The following RBM8A variants were observed in gnomAD, a reference collection of about 807,000 sequenced individuals.
RBM8A encodes RNA-binding protein 8A.
Under a neutral mutation model 25.1 loss-of-function variants are expected in RBM8A, and 8 were observed. The ratio of observed to expected loss-of-function variants is 0.32; its 90% CI spans 0.19 to 0.58. The LOEUF is 0.58. RBM8A is among the 20% of genes least tolerant of loss of function. The pLI, the probability that RBM8A is intolerant of heterozygous loss-of-function variation, is 0.88. For missense variants in RBM8A, 114 were observed against 236.8 expected, an observed-to-expected ratio of 0.48 and a Z score of 3.40; for synonymous variants, 66 against 80.0, an observed-to-expected ratio of 0.82 and a Z score of 0.94.
rs1647893841 is a variant in RBM8A at position 145,923,146 on chromosome 1, G to T, written c.*2736C>A. On this transcript the variant is annotated 3_prime_UTR_variant, in exon 6 of 6. Transcript: ENST00000583313. ...GGGTTTCACTGTGTTAGCCAGGATG[G>T]TCTCCATCTCCTAACCTCGTGATCC... 2 of 152,080 alleles carry T rather than the reference G, an allele frequency of 1.3e-5. No homozygotes were observed. The highest frequency in any genetic ancestry group is 2.9e-5 in the Non-Finnish European group (2 of 68,108). 9.4% of individuals were successfully genotyped at this position (152,080 alleles called of 1,614,324 possible).
In RBM8A at chr1:145,925,839, C is replaced by G; in HGVS notation, c.*43G>C. On this transcript the variant is annotated 3_prime_UTR_variant, in exon 6 of 6. Transcript: ENST00000583313. ...TCCTATTTGTCCAAGGCTGCATGGT[C>G]AAATGGAATCTTGAAGAGAACACCT... The G allele has an allele frequency of 6.3e-7, 1 of 1,585,354 alleles. No homozygotes were observed. The highest frequency in any genetic ancestry group is 8.7e-7 in the Non-Finnish European group (1 of 1,155,636).
intron 1 of RBM8A, 62 bp downstream of exon 1, chr1:145,927,298 T>C (rs1299744432): frequency 2.6e-6 from 4 of 1,551,796 alleles, no homozygotes; most frequent in Non-Finnish European, 3.5e-6. Context: ...GAGTAAATTT[T>C]CCTATTATAG....
In RBM8A at chr1:145,924,794, G is replaced by C. The variant is rs1454109150; in HGVS notation, c.*1088C>G. 11 of 355,748 alleles carry C rather than the reference G, an allele frequency of 3.1e-5. No homozygotes were observed. The highest frequency in any genetic ancestry group is 6.2e-5 in the Non-Finnish European group (11 of 177,474). 22.0% of individuals were successfully genotyped at this position (355,748 alleles called of 1,614,324 possible). A position where few individuals can be genotyped will look rare whatever the true frequency, so the allele number is the denominator to read the frequency against. ...TCAGAAGCTGAGTGTCTGAATTACA[G>C]TATATTTTCTAAATTCCTAGCCCCT... On this transcript the variant is annotated 3_prime_UTR_variant, in exon 6 of 6. Coordinates refer to ENST00000583313, the MANE Select transcript of RBM8A (RefSeq NM_005105.5).
rs1351749223 is a variant in RBM8A at position 145,922,674 on chromosome 1, T to C, written c.*3208A>G. The C allele has an allele frequency of 6.6e-6, 1 of 152,168 alleles. No individual in the cohort carries two copies. The highest frequency in any genetic ancestry group is 1.5e-5 in the Non-Finnish European group (1 of 68,042). 9.4% of individuals were successfully genotyped at this position (152,168 alleles called of 1,614,324 possible). A position where few individuals can be genotyped will look rare whatever the true frequency, so the allele number is the denominator to read the frequency against. Reference sequence around the variant, plus strand: ...TTCTGTATTGCCCATATGCTGTAATTGTAGTTAAAATATTAGTGTTAATAA... The same window carrying C: ...TTCTGTATTGCCCATATGCTGTAATCGTAGTTAAAATATTAGTGTTAATAA... On this transcript the variant is annotated 3_prime_UTR_variant, in exon 6 of 6. Coordinates refer to ENST00000583313, the MANE Select transcript of RBM8A (RefSeq NM_005105.5).
rs1469441529 is a variant in RBM8A at position 145,926,231 on chromosome 1, C to G, written c.343-54G>C. On this transcript the variant is annotated intron_variant, in intron 4 of 5. Coordinates refer to ENST00000583313, the MANE Select transcript of RBM8A (RefSeq NM_005105.5). The stretch of plus-strand genomic sequence containing the variant: ...AACCCTCCTATTTCCCCAAGTATCA[C>G]TGAGTATCTTTTTCCTCAAATCTAA... 5 of 1,600,084 alleles carry G rather than the reference C, an allele frequency of 3.1e-6. No homozygotes were observed. The African/African-American group carries it at 6.7e-5, about 22-fold the overall frequency.
At position 145,924,679 on chromosome 1, in the gene RBM8A, G is replaced by C. The variant is rs1648001931; in HGVS notation, c.*1203C>G. The C allele has an allele frequency of 2.8e-6, 1 of 358,356 alleles. No homozygotes were observed. Among genetic ancestry groups the C allele is most frequent in the South Asian group, 2.1e-5 (1 of 47,718 alleles). The allele number at this position is 358,356 out of a possible 1,614,324, so 22.2% of individuals were successfully genotyped here. On this transcript the variant is annotated 3_prime_UTR_variant, in exon 6 of 6. Transcript: ENST00000583313. ...AATCATATAGTCCCAGGTTGGGAAGGGGAAAACGGTTTGCAACATTCTCCT... is the reference window on the plus strand; with the variant it reads ...AATCATATAGTCCCAGGTTGGGAAGCGGAAAACGGTTTGCAACATTCTCCT...
Position 145,926,166 on chromosome 1 carries a change from T to G in RBM8A, c.354A>C (p.Leu118=). ...CTTCCTTGTATGTTTCATATTCAAC[T>G]AGAGTATACCCCTGGGGAAAGTGAA... ...RRTGYLKGYT[L]VEYETYKEAQ... The change falls in exon 5 of 6, where the codon CTA becomes CTC. Residue 118 remains leucine (L), a synonymous_variant. Transcript: ENST00000583313. 2 of 1,613,694 alleles carry G rather than the reference T, an allele frequency of 1.2e-6. No homozygotes were observed. Among genetic ancestry groups the G allele is most frequent in the Non-Finnish European group, 1.7e-6 (2 of 1,180,022 alleles).
chr1:145,927,084 C>T lies in RBM8A; in HGVS notation c.68-7G>A. On this transcript the variant is annotated splice_polypyrimidine_tract_variant and splice_region_variant and intron_variant, in intron 1 of 5. Transcript: ENST00000583313. ...TTCAGTTTGTGAATGCTCTCTGGAA[C>T]CCCAGAAGATAAAAGAATAAGTAAC... The T allele has an allele frequency of 6.2e-7, 1 of 1,612,744 alleles. No homozygotes were observed. Among genetic ancestry groups the T allele is most frequent in the Non-Finnish European group, 8.5e-7 (1 of 1,178,802 alleles).
intron 4 of RBM8A, 67 bp from the exon 5 acceptor site, chr1:145,926,244 T>C: frequency 1.3e-6 from 2 of 1,590,408 alleles, no homozygotes; most frequent in Non-Finnish European, 1.7e-6. Context: ...AGTATCTTTT[T>C]CCTCAAATCT....
In RBM8A at chr1:145,924,514, T is replaced by A; in HGVS notation, c.*1368A>T. 2.7e-6 allele frequency: 1 copy of A among 377,352 alleles called. No homozygotes were observed. The highest frequency in any genetic ancestry group is 2.0e-5 in the South Asian group (1 of 49,710). The allele number at this position is 377,352 out of a possible 1,614,324, so 23.4% of individuals were successfully genotyped here. Reference sequence around the variant, plus strand: ...GTCTAGCACCTGATGCTAGAGATAATTTTGTTGAATCCCTTCAATTATAAA... The same window carrying A: ...GTCTAGCACCTGATGCTAGAGATAAATTTGTTGAATCCCTTCAATTATAAA... On this transcript the variant is annotated 3_prime_UTR_variant, in exon 6 of 6. Coordinates refer to ENST00000583313, the MANE Select transcript of RBM8A (RefSeq NM_005105.5).
Position 145,927,234 on chromosome 1 carries a change from T to C in RBM8A, c.67+126A>G. ...CTTCTCCTGAAGGGGGCGGAATCTC[T>C]AATCCACCCAAGACCCGGTTCCTCG... On this transcript the variant is annotated intron_variant, in intron 1 of 5. Coordinates refer to ENST00000583313, the MANE Select transcript of RBM8A (RefSeq NM_005105.5). The C allele has an allele frequency of 4.1e-6, 6 of 1,447,138 alleles. No individual in the cohort carries two copies. In the South Asian group the frequency reaches 7.4e-5, roughly 18 times the overall value. The allele number at this position is 1,447,138 out of a possible 1,614,324, so 89.6% of individuals were successfully genotyped here.
intron 2 of RBM8A, 41 bp from the exon 3 acceptor site, chr1:145,926,927 T>C: frequency 6.2e-7 from 1 of 1,613,794 alleles, no homozygotes. Flanking sequence ...ACTCCTCCTT[T>C]CTCCCATTGT....
rs376280551 is a variant in RBM8A at position 145,925,627 on chromosome 1, T to TA, written c.*254dup. 8.7e-4 allele frequency: 421 copies of TA among 484,042 alleles called. 1 individual carries two copies. Among genetic ancestry groups the TA allele is most frequent in the African/African-American group, 7.5e-3 (381 of 50,882 alleles). The allele number at this position is 484,042 out of a possible 1,614,324, so 30.0% of individuals were successfully genotyped here. A position where few individuals can be genotyped will look rare whatever the true frequency, so the allele number is the denominator to read the frequency against. On this transcript the variant is annotated 3_prime_UTR_variant, in exon 6 of 6. Coordinates refer to ENST00000583313, the MANE Select transcript of RBM8A (RefSeq NM_005105.5). ...AAAAAAAAGAAAAAAAAGAAATACA[T>TA]AGAGTTCAGTCCCTAGAAGTATCTT...
intron 2 of RBM8A, 51 bp from the exon 3 acceptor site, chr1:145,926,937 T>C: frequency 6.2e-7 from 1 of 1,614,048 alleles, no homozygotes. Flanking sequence ...TCTCCCATTG[T>C]TCCTATGAGG....
chr1:145,926,260 C>T (rs1478265096), intron 4 of RBM8A, 83 bp from the exon 5 acceptor site: 1 of 1,561,224 alleles, frequency 6.4e-7, no homozygotes, highest in African/African-American at 1.4e-5. Context: ...AATCTAAACT[C>T]AGAAAAATCT....
intron 3 of RBM8A, 48 bp from the exon 4 acceptor site, chr1:145,926,666 A>T: frequency 1.9e-6 from 3 of 1,612,886 alleles, no homozygotes; most frequent in Non-Finnish European, 2.5e-6. Flanking sequence ...GAGACACTTT[A>T]AGCAGGCTCA....
At position 145,925,878 on chromosome 1, in the gene RBM8A, C is replaced by G. The variant is rs1553755758; in HGVS notation, c.*4G>C. ...AAGAGAACACCTGGACAACAGAGGA[C>G]CTGTCAGCGACGTCTCCGGTCTGGA... On this transcript the variant is annotated 3_prime_UTR_variant, in exon 6 of 6. Transcript: ENST00000583313. 6.2e-7 allele frequency: 1 copy of G among 1,613,162 alleles called. No homozygotes were observed.
chr1:145,925,601 C>CA lies in RBM8A; in HGVS notation c.*280dup, dbSNP rs1267780992. The CA allele has an allele frequency of 1.5e-4, 59 of 385,144 alleles. No individual in the cohort carries two copies. The highest frequency in any genetic ancestry group is 2.8e-4 in the East Asian group (5 of 18,096). The allele number at this position is 385,144 out of a possible 1,614,324, so 23.9% of individuals were successfully genotyped here. ...TGGGTAACACAGCAAGACTCTATCT[C>CA]AAAAAAAAGAAAAAAAAGAAATACA... On this transcript the variant is annotated 3_prime_UTR_variant, in exon 6 of 6. Transcript: ENST00000583313.
chr1:145,923,939 A>T lies in RBM8A; in HGVS notation c.*1943T>A. On this transcript the variant is annotated 3_prime_UTR_variant, in exon 6 of 6. Transcript: ENST00000583313. Reference sequence around the variant, plus strand: ...TGTTTTAAGTTCCAAGATTTAACAAACTTACTGTTCAGCATCATATTCAAG... The same window carrying T: ...TGTTTTAAGTTCCAAGATTTAACAATCTTACTGTTCAGCATCATATTCAAG... The T allele has an allele frequency of 1.7e-6, 1 of 598,458 alleles. No individual in the cohort carries two copies. The highest frequency in any genetic ancestry group is 3.0e-6 in the Non-Finnish European group (1 of 330,856). 37.1% of individuals were successfully genotyped at this position (598,458 alleles called of 1,614,324 possible). A position where few individuals can be genotyped will look rare whatever the true frequency, so the allele number is the denominator to read the frequency against.
Sources: gnomAD v4.1 joint callset for allele counts on GRCh38, gnomAD v4.1.1 for gene constraint, MANE v1.5 for transcripts, NCBI Gene and HGNC (gene_info 2026-07-23, HGNC 2026-07-21) for gene names.